PDE10A: variants seen among roughly 807,000 people sequenced by gnomAD.
The protein encoded by PDE10A is cAMP and cAMP-inhibited cGMP 3',5'-cyclic phosphodiesterase 10A.
A neutral mutation model predicts 97.7 loss-of-function variants in PDE10A; 39 were observed. The ratio of observed to expected loss-of-function variants is 0.40; its 90% confidence interval spans 0.31 to 0.52. The LOEUF (loss-of-function observed/expected upper bound fraction) is 0.52, where lower values mean the gene tolerates loss of function less well. PDE10A is among the 20% of genes least tolerant of loss of function. PDE10A has a pLI of 0.56. For missense variants in PDE10A, 731 were observed against 1,047.8 expected (o/e 0.70, Z 4.17); for synonymous variants, 371 against 376.8 (o/e 0.98, Z 0.18).
chr6:165,566,475 G>A (rs565406148), intron 1 of PDE10A, among the ~76,000 whole-genome samples: 2 of 152,342 alleles, frequency 1.3e-5, no homozygotes, highest in South Asian at 4.1e-4. Flanking sequence ...TTGTGCGAAT[G>A]TGAAATGGTA....
chr6:165,873,399 C>G (rs1385098151), intron 1 of PDE10A, among the ~76,000 whole-genome samples: 1 of 152,182 alleles, frequency 6.6e-6, no homozygotes, highest in Non-Finnish European at 1.5e-5. Flanking sequence ...CTAACTTGCT[C>G]TGCGGGGAAG....
chr6:165,839,923 T>TCTCCAACTCCATCC (rs1780193004), intron 1 of PDE10A, among the ~76,000 whole-genome samples: 1 of 1,894 alleles, frequency 5.3e-4, no homozygotes, highest in Non-Finnish European at 1.1e-3. Flanking sequence ...ATCCCCAACC[T>TCTCCAACTCCATCC]CATCTCCATT....
chr6:165,517,533 C>A, intron 2 of PDE10A, among the ~76,000 whole-genome samples: 1 of 152,168 alleles, frequency 6.6e-6, no homozygotes, highest in African/African-American at 2.4e-5. Flanking sequence ...GAAAGTAATC[C>A]GATAAATTGT....
intron 1 of PDE10A, among the ~76,000 whole-genome samples, chr6:165,868,685 A>G (rs1482051104): frequency 1.3e-5 from 2 of 152,256 alleles, no homozygotes; most frequent in Admixed American, 6.5e-5. Context: ...CCCTGATACA[A>G]AAACAAACAA....
intron 1 of PDE10A, among the ~76,000 whole-genome samples, chr6:165,551,136 A>G (rs1301710929): frequency 2.0e-5 from 3 of 152,144 alleles, no homozygotes; most frequent in Non-Finnish European, 4.4e-5. Context: ...GTTCTCCCCA[A>G]CTGCATACAA....
intron 2 of PDE10A, among the ~76,000 whole-genome samples, chr6:165,505,786 T>G (rs1163521018): frequency 6.6e-6 from 1 of 152,056 alleles, no homozygotes; most frequent in Non-Finnish European, 1.5e-5. Context: ...CTCAGAAGGA[T>G]CACATGAACT....
At chr6:165,507,741 G>A (rs941549782) in intron 2 of PDE10A, among the ~76,000 whole-genome samples, 1 of 151,932 alleles carries the variant, frequency 6.6e-6, no homozygotes, top group African/African-American at 2.4e-5. Flanking sequence ...TTCTACTGAT[G>A]GGCCCTATTG....
intron 1 of PDE10A, among the ~76,000 whole-genome samples, chr6:165,680,151 T>C (rs1255490560): frequency 6.6e-6 from 1 of 152,156 alleles, no homozygotes; most frequent in Non-Finnish European, 1.5e-5. Context: ...TCGTGAGCTC[T>C]CGTTTGTCTC....
chr6:165,658,930 G>T (rs954021232), intron 1 of PDE10A, among the ~76,000 whole-genome samples: 2 of 152,174 alleles, frequency 1.3e-5, no homozygotes, highest in South Asian at 2.1e-4. Context: ...GCTTCTAGGG[G>T]ACTCTGTCTC....
chr6:165,492,316 C>T (rs1279882439), intron 2 of PDE10A, among the ~76,000 whole-genome samples: 1 of 152,130 alleles, frequency 6.6e-6, no homozygotes, highest in Non-Finnish European at 1.5e-5. Flanking sequence ...GACACTATTC[C>T]ACAAGATAGA....
intron 1 of PDE10A, among the ~76,000 whole-genome samples, chr6:165,736,466 A>G (rs7744185): frequency 0.17 from 25,417 of 152,098 alleles, 2,433 homozygotes; most frequent in East Asian, 0.36. Context: ...GAGTGAAGTG[A>G]GCACCAACTT....
rs1462697437 is a variant in PDE10A at position 165,840,738 on chromosome 6, T to TAGTAAAATAAGA, written c.-615+146790_-615+146791insTCTTATTTTACT. 2.0e-5 allele frequency among the ~76,000 whole-genome samples: 3 copies of TAGTAAAATAAGA among 152,244 alleles called. No individual in the cohort carries two copies. The South Asian group carries it at 6.2e-4, about 32-fold the overall frequency. On this transcript the variant is annotated intron_variant, in intron 1 of 19. Coordinates refer to the PDE10A transcript ENST00000366882. ...GGAATTTTAACACACTCTTATTTTTTGTCTACTTTTTAGTAAAAGATAAAG... is the reference window on the plus strand; with the variant it reads ...GGAATTTTAACACACTCTTATTTTTTAGTAAAATAAGAGTCTACTTTTTAGTAAAAGATAAAG...
At chr6:165,957,749 A>G (rs1256331195) in intron 1 of PDE10A, among the ~76,000 whole-genome samples, 3 of 152,194 alleles carry the variant, frequency 2.0e-5, no homozygotes, top group African/African-American at 4.8e-5. Flanking sequence ...CCAGCCTCTA[A>G]AAGCTTAAAA....
intron 1 of PDE10A, among the ~76,000 whole-genome samples, chr6:165,869,353 GAA>G (rs71029569): frequency 4.0e-5 from 6 of 149,912 alleles, no homozygotes; most frequent in Admixed American, 6.6e-5. Flanking sequence ...TACTACAAAA[GAA>G]AAAAAAAACT....
chr6:165,665,713 G>T (rs1790481729), upstream of PDE10A, among the ~76,000 whole-genome samples: 1 of 151,174 alleles, frequency 6.6e-6, no homozygotes, highest in Admixed American at 6.6e-5. Flanking sequence ...AAAACTAAAA[G>T]AATATTAAGA....
At chr6:165,854,741 G>T (rs577144015) in intron 1 of PDE10A, among the ~76,000 whole-genome samples, 1 of 152,320 alleles carries the variant, frequency 6.6e-6, no homozygotes, top group East Asian at 1.9e-4. Flanking sequence ...CGGGAGGGAC[G>T]CGGGGTCCGG....
intron 1 of PDE10A, among the ~76,000 whole-genome samples, chr6:165,791,145 C>T (rs1778639569): frequency 6.6e-6 from 1 of 151,920 alleles, no homozygotes. Flanking sequence ...ATGGGGGTCT[C>T]ACTATGTTGT....
At chr6:165,932,659 A>G (rs2128490962) in intron 1 of PDE10A, among the ~76,000 whole-genome samples, 1 of 152,258 alleles carries the variant, frequency 6.6e-6, no homozygotes, top group East Asian at 1.9e-4. Flanking sequence ...TTTAGTAGAG[A>G]CGGTGTTTCA....
intron 1 of PDE10A, among the ~76,000 whole-genome samples, chr6:165,841,950 A>G (rs2128473350): frequency 6.6e-6 from 1 of 152,298 alleles, no homozygotes. Context: ...GCTAAGTAAT[A>G]TTGCTGTTTC....
Sources: gnomAD v4.1 joint callset for allele counts (sites outside exome capture counted in the v4.1 genomes callset) on GRCh38, gnomAD v4.1.1 for gene constraint, MANE v1.5 for transcripts, NCBI Gene and HGNC (gene_info 2026-07-23, HGNC 2026-07-21) for gene names.